The following COL10A1 variants were observed in gnomAD, a reference collection of about 807,000 sequenced individuals.
COL10A1 encodes collagen alpha-1(X) chain.
A neutral mutation model predicts 18.2 loss-of-function variants in COL10A1; 10 were observed. The ratio of observed to expected loss-of-function variants is 0.55; its 90% CI spans 0.34 to 0.93. The LOEUF (loss-of-function observed/expected upper bound fraction) is 0.93. COL10A1 is among the 40% of genes least tolerant of loss of function. The pLI, the probability that COL10A1 is intolerant of heterozygous loss-of-function variation, is 0.02. For missense variants in COL10A1, 897 were observed against 853.5 expected (o/e 1.05, Z -0.64); for synonymous variants, 330 against 316.6 (o/e 1.04, Z -0.45).
Position 116,121,471 on chromosome 6 carries a change from G to T in COL10A1, c.645C>A (p.Gly215=), listed in dbSNP as rs1779123612. 4 of 1,613,942 alleles carry T rather than the reference G, an allele frequency of 2.5e-6. No homozygotes were observed. Among genetic ancestry groups the T allele is most frequent in the South Asian group, 2.2e-5 (2 of 91,074 alleles). Residue 215 remains glycine, a synonymous_variant, in exon 3 of 3, where the codon GGC becomes GGA. Transcript: ENST00000651968. ...PGPQGPTGPS[G]PPGVGKRGEN... ...CACCTCTTTTTCCCACTCCAGGAGGGCCAGATGGTCCTGTGGGACCCTGAG... is the reference window on the plus strand; with the variant it reads ...CACCTCTTTTTCCCACTCCAGGAGGTCCAGATGGTCCTGTGGGACCCTGAG...
intron 2 of COL10A1, among the ~76,000 whole-genome samples, chr6:116,123,108 A>G (rs1314604377): frequency 2.0e-5 from 3 of 152,190 alleles, no homozygotes; most frequent in African/African-American, 7.2e-5. Flanking sequence ...ACTATGTTAG[A>G]TTGAGCTTTG....
the COL10A1 span, among the ~76,000 whole-genome samples, chr6:116,182,349 G>A: frequency 1.3e-5 from 2 of 152,028 alleles, no homozygotes; most frequent in African/African-American, 4.8e-5. Context: ...CTATAAATGT[G>A]TGTGTAAGTA....
chr6:116,208,499 T>G, the COL10A1 span, among the ~76,000 whole-genome samples: 1 of 152,068 alleles, frequency 6.6e-6, no homozygotes, highest in African/African-American at 2.4e-5. Flanking sequence ...AAGGAAAACA[T>G]TCCTATTTCT....
upstream of COL10A1, among the ~76,000 whole-genome samples, chr6:116,130,961 A>G (rs1465551942): frequency 6.6e-6 from 1 of 152,184 alleles, no homozygotes; most frequent in Non-Finnish European, 1.5e-5. Context: ...GTAAAGTCAC[A>G]TGACACAGTT....
chr6:116,148,411 A>G (rs1286255739), intron 1 of COL10A1, among the ~76,000 whole-genome samples: 1 of 152,192 alleles, frequency 6.6e-6, no homozygotes, highest in African/African-American at 2.4e-5. Context: ...AAGATTGTCT[A>G]CTTTTTGGAA....
chr6:116,121,026 T>C lies in COL10A1; in HGVS notation c.1090A>G (p.Thr364Ala), dbSNP rs202131576. The C allele has an allele frequency of 7.4e-6, 12 of 1,613,688 alleles. No homozygotes were observed. Among genetic ancestry groups the C allele is most frequent in the Non-Finnish European group, 1.0e-5 (12 of 1,179,868 alleles). The change falls in exon 3 of 3, where the codon ACA becomes GCA. Residue 364 changes from threonine to alanine, a missense_variant. Physicochemically the swap from Thr to Ala is moderately conservative, Grantham distance 58. Transcript: ENST00000651968. ...SHGLPGPKGETGPAGPAGYPG... is the reference protein window; with the variant it reads ...SHGLPGPKGEAGPAGPAGYPG... ...TATCCTGCAGGCCCAGCTGGCCCTG[T>C]CTCACCTTTAGGGCCTGGGAGACCA...
At chr6:116,178,995 T>G in the COL10A1 span, among the ~76,000 whole-genome samples, 2 of 152,242 alleles carry the variant, frequency 1.3e-5, no homozygotes, top group African/African-American at 4.8e-5. Flanking sequence ...ATCCTCATCT[T>G]CATAGTTATA....
At chr6:116,141,900 AC>A (rs1223122129) in intron 1 of COL10A1, among the ~76,000 whole-genome samples, 1 of 150,902 alleles carries the variant, frequency 6.6e-6, no homozygotes, top group African/African-American at 2.4e-5. Flanking sequence ...ACACACACAC[AC>A]ACACACACAC....
chr6:116,131,996 G>C (rs1437601826), intron 1 of COL10A1, among the ~76,000 whole-genome samples: 1 of 152,126 alleles, frequency 6.6e-6, no homozygotes, highest in Non-Finnish European at 1.5e-5. Flanking sequence ...TTCTGCAAAG[G>C]ACATTATCTT....
chr6:116,200,001 G>GGC, the COL10A1 span, among the ~76,000 whole-genome samples: 2 of 149,858 alleles, frequency 1.3e-5, no homozygotes, highest in Admixed American at 6.6e-5. Flanking sequence ...ATGGAAAGTG[G>GGC]GGGGGGAAGA....
the COL10A1 span, among the ~76,000 whole-genome samples, chr6:116,199,997 A>G: frequency 0.044 from 5,276 of 119,454 alleles, 377 homozygotes; most frequent in African/African-American, 0.14. Flanking sequence ...CAGTATGGAA[A>G]GTGGGGGGGG....
At chr6:116,152,136 G>T (rs1780057567) in intron 1 of COL10A1, among the ~76,000 whole-genome samples, 1 of 152,212 alleles carries the variant, frequency 6.6e-6, no homozygotes, top group African/African-American at 2.4e-5. Context: ...TTCACAGGAT[G>T]CAGTGCCTTC....
At chr6:116,163,143 T>TATATATAC (rs1337432032), upstream of COL10A1, among the ~76,000 whole-genome samples, 51 of 79,086 alleles carry the variant, frequency 6.4e-4, no homozygotes, top group African/African-American at 3.3e-3. Flanking sequence ...AAAAAAAAAA[T>TATATATAC]ATATATATAT....
At chr6:116,156,464 G>A (rs1490799380) in intron 1 of COL10A1, among the ~76,000 whole-genome samples, 1 of 152,174 alleles carries the variant, frequency 6.6e-6, no homozygotes, top group East Asian at 1.9e-4. Flanking sequence ...TGCCTCATAA[G>A]GGATTACTAT....
At chr6:116,179,985 T>TA in the COL10A1 span, among the ~76,000 whole-genome samples, 1 of 152,100 alleles carries the variant, frequency 6.6e-6, no homozygotes, top group East Asian at 1.9e-4. Context: ...TCTAGCTGCA[T>TA]AAAATACCCA....
the COL10A1 span, among the ~76,000 whole-genome samples, chr6:116,178,284 C>T: frequency 6.6e-6 from 1 of 152,150 alleles, no homozygotes; most frequent in African/African-American, 2.4e-5. Context: ...GACCCTGCTT[C>T]GCTTCTGAGA....
the COL10A1 span, among the ~76,000 whole-genome samples, chr6:116,195,903 A>G: frequency 6.6e-6 from 1 of 152,014 alleles, no homozygotes; most frequent in Admixed American, 6.6e-5. Flanking sequence ...CAAGTTGGAA[A>G]GGGGGAAGGT....
chr6:116,185,790 G>C, the COL10A1 span, among the ~76,000 whole-genome samples: 1 of 152,040 alleles, frequency 6.6e-6, no homozygotes, highest in African/African-American at 2.4e-5. Context: ...GAAGACAGCA[G>C]ATACTTGGTT....
chr6:116,151,960 A>G (rs1373817781), intron 1 of COL10A1, among the ~76,000 whole-genome samples: 1 of 152,214 alleles, frequency 6.6e-6, no homozygotes, highest in Non-Finnish European at 1.5e-5. Flanking sequence ...TATTGATGCC[A>G]ACTTTATTGA....
Sources: allele counts gnomAD v4.1 joint callset (sites outside exome capture counted in the v4.1 genomes callset), GRCh38; gene constraint gnomAD v4.1.1; transcripts MANE v1.5; gene names NCBI Gene and HGNC (gene_info 2026-07-23, HGNC 2026-07-21).